Variants in TEX11 observed in about 807,000 individuals in gnomAD.
TEX11 encodes testis-expressed protein 11.
TEX11 carries 7 observed loss-of-function variants against 84.4 expected under a neutral mutation model. The ratio of observed to expected loss-of-function variants is 0.08; its 90% CI spans 0.05 to 0.16. The LOEUF (loss-of-function observed/expected upper bound fraction) is 0.16. Ranked by LOEUF, TEX11 falls within the 10% of genes least tolerant of loss-of-function variation. The pLI, the probability that TEX11 is intolerant of heterozygous loss-of-function variation, is 1.00. For synonymous variants in TEX11, 264 were observed against 222.8 expected (o/e 1.18, Z -1.64); for missense variants, 551 against 660.5 (o/e 0.83, Z 1.82).
intron 9 of TEX11, among the ~76,000 whole-genome samples, chrX:70,789,540 C>T (rs752598513): frequency 9.0e-6 from 1 of 111,521 alleles, no homozygotes; most frequent in South Asian, 3.7e-4. Context: ...TGAAGTGAGC[C>T]GAGAGCAAGA....
intron 2 of TEX11, among the ~76,000 whole-genome samples, chrX:70,889,002 G>A (rs985263081): frequency 2.7e-5 from 3 of 111,118 alleles, no homozygotes; most frequent in African/African-American, 9.8e-5. Context: ...CTTCAAATGT[G>A]AAGGAGAAAG....
At chrX:70,562,398 A>G (rs1293177377) in intron 25 of TEX11, among the ~76,000 whole-genome samples, 1 of 111,883 alleles carries the variant, frequency 8.9e-6, no homozygotes, top group East Asian at 2.8e-4. Flanking sequence ...TATGCCATGT[A>G]ACAGCAAAAC....
At chrX:70,869,954 A>T (rs1439727967) in intron 4 of TEX11, among the ~76,000 whole-genome samples, 2 of 111,795 alleles carry the variant, frequency 1.8e-5, no homozygotes, top group African/African-American at 6.5e-5. Context: ...CTACTTCCAT[A>T]TAAAGATGTT....
chrX:70,672,009 G>A (rs2090029699), intron 15 of TEX11, among the ~76,000 whole-genome samples: 1 of 105,100 alleles, frequency 9.5e-6, no homozygotes. Context: ...GTTCATTCTG[G>A]TCTCTCATAC....
At chrX:70,668,109 G>A (rs750064843) in intron 16 of TEX11, among the ~76,000 whole-genome samples, 29 of 111,340 alleles carry the variant, frequency 2.6e-4, no homozygotes, top group African/African-American at 8.5e-4. Flanking sequence ...CAAATCACAC[G>A]ATAAGATCTT....
chrX:70,751,877 T>C (rs983713601), intron 9 of TEX11, among the ~76,000 whole-genome samples: 1 of 112,454 alleles, frequency 8.9e-6, no homozygotes, highest in Non-Finnish European at 1.9e-5. Flanking sequence ...GAGGTAATTA[T>C]AAAAGAAAGT....
chrX:70,564,193 C>T (rs1034280301), intron 25 of TEX11, among the ~76,000 whole-genome samples: 18 of 111,795 alleles, frequency 1.6e-4, no homozygotes, highest in South Asian at 3.7e-4. Flanking sequence ...CGTGCCACTG[C>T]GCTCCAGCCT....
chrX:70,755,961 G>A (rs1422280686), intron 9 of TEX11, among the ~76,000 whole-genome samples: 1 of 112,497 alleles, frequency 8.9e-6, no homozygotes, highest in African/African-American at 3.2e-5. Flanking sequence ...TTGGCTCGGC[G>A]GGTCCCATGC....
chrX:70,783,294 C>G (rs1272233896), intron 9 of TEX11, among the ~76,000 whole-genome samples: 1 of 111,575 alleles, frequency 9.0e-6, no homozygotes, highest in African/African-American at 3.3e-5. Flanking sequence ...AGAACAAAGA[C>G]ACAACATACC....
At chrX:70,808,715 A>C (rs2091235444) in intron 8 of TEX11, among the ~76,000 whole-genome samples, 1 of 109,436 alleles carries the variant, frequency 9.1e-6, no homozygotes, top group Non-Finnish European at 1.9e-5. Context: ...CAAAAGTAAA[A>C]ATTTTATATT....
At chrX:70,679,232 C>T (rs987843002) in intron 14 of TEX11, among the ~76,000 whole-genome samples, 8 of 112,167 alleles carry the variant, frequency 7.1e-5, no homozygotes, top group African/African-American at 2.3e-4. Context: ...GAGTCTCATT[C>T]ACTCCGTGCT....
chrX:70,632,098 A>T (rs1409085528), intron 17 of TEX11, among the ~76,000 whole-genome samples: 4 of 91,644 alleles, frequency 4.4e-5, no homozygotes, highest in Non-Finnish European at 8.8e-5. Flanking sequence ...TTTGGGTCTA[A>T]TAAAAATGCT....
intron 9 of TEX11, among the ~76,000 whole-genome samples, chrX:70,780,124 A>C (rs189542571): frequency 2.4e-3 from 258 of 109,706 alleles, no homozygotes; most frequent in Non-Finnish European, 4.4e-3. Flanking sequence ...AAATACAAAA[A>C]CTAGCCAGGC....
At chrX:70,573,582 T>G (rs1037526719) in intron 25 of TEX11, among the ~76,000 whole-genome samples, 3 of 111,506 alleles carry the variant, frequency 2.7e-5, no homozygotes, top group Non-Finnish European at 3.8e-5. Context: ...CCATGAGAAC[T>G]AATCTCTGAG....
intron 8 of TEX11, among the ~76,000 whole-genome samples, chrX:70,823,459 C>A (rs1342157693): frequency 9.0e-6 from 1 of 111,179 alleles, no homozygotes; most frequent in East Asian, 2.8e-4. Context: ...ATGTTCATTA[C>A]CTTTATCACA....
At chrX:70,720,731 C>G (rs1179700767) in intron 13 of TEX11, among the ~76,000 whole-genome samples, 1 of 102,062 alleles carries the variant, frequency 9.8e-6, no homozygotes, top group African/African-American at 3.5e-5. Context: ...AATTATTTTT[C>G]ATTACACAGA....
At chrX:70,521,934 C>T in the TEX11 span, among the ~76,000 whole-genome samples, 1 of 110,312 alleles carries the variant, frequency 9.1e-6, no homozygotes, top group Non-Finnish European at 1.9e-5. Flanking sequence ...TCTCAGCTCA[C>T]GGCAACCTCT....
chrX:70,514,090 A>C, the TEX11 span, among the ~76,000 whole-genome samples: 16 of 109,422 alleles, frequency 1.5e-4, no homozygotes, highest in South Asian at 6.1e-3. Flanking sequence ...GGTTCAACTT[A>C]ATATTATACA....
At position 70,711,474 on chromosome X, in the gene TEX11, C is replaced by T. The variant is rs749322812; in HGVS notation, c.1004+11144G>A. 2.2e-3 allele frequency among the ~76,000 whole-genome samples: 240 copies of T among 108,918 alleles called. 3 individuals are homozygous for T. Among genetic ancestry groups the T allele is most frequent in the African/African-American group, 7.2e-3 (214 of 29,909 alleles). 94.6% of individuals were successfully genotyped at this position (108,918 alleles called of 115,157 possible). A position where few individuals can be genotyped will look rare whatever the true frequency, so the allele number is the denominator to read the frequency against. On this transcript the variant is annotated intron_variant, in intron 13 of 29. Transcript: ENST00000374333. Reference sequence around the variant, plus strand: ...TGTTGTTTCCTGACTTTTTAATGATCGCCATTCTAACTGGTGTGAGATGGT... The same window carrying T: ...TGTTGTTTCCTGACTTTTTAATGATTGCCATTCTAACTGGTGTGAGATGGT...
Sources: allele counts gnomAD v4.1 joint callset (sites outside exome capture counted in the v4.1 genomes callset), GRCh38; gene constraint gnomAD v4.1.1; transcripts MANE v1.5; gene names NCBI Gene and HGNC (gene_info 2026-07-23, HGNC 2026-07-21).